The following ESRRG variants were observed in gnomAD, a reference collection of about 807,000 sequenced individuals.
The protein encoded by ESRRG is estrogen-related receptor gamma.
ESRRG carries 13 observed loss-of-function variants against 44.0 expected under a neutral mutation model. The observed-to-expected ratio is 0.30, with a 90% CI of 0.19 to 0.47. ESRRG has a LOEUF of 0.47. ESRRG is among the 20% of genes least tolerant of loss of function. ESRRG has a pLI of 1.00. For missense variants in ESRRG, 395 were observed against 580.6 expected (o/e 0.68, Z 3.29); for synonymous variants, 215 against 214.6 (o/e 1.00, Z -0.02).
intron 1 of ESRRG, among the ~76,000 whole-genome samples, chr1:217,070,653 A>G (rs1237040551): frequency 6.6e-6 from 1 of 152,226 alleles, no homozygotes; most frequent in African/African-American, 2.4e-5. Context: ...AAGTGCTGGC[A>G]TGACAGGCGT....
chr1:216,843,068 C>A (rs1393491465), intron 2 of ESRRG, among the ~76,000 whole-genome samples: 1 of 151,984 alleles, frequency 6.6e-6, no homozygotes, highest in Non-Finnish European at 1.5e-5. Context: ...TCATGATGAT[C>A]AGGGAATTGG....
At chr1:216,677,801 C>T (rs111545240) in intron 1 of ESRRG, among the ~76,000 whole-genome samples, 1 of 152,118 alleles carries the variant, frequency 6.6e-6, no homozygotes, top group Non-Finnish European at 1.5e-5. Context: ...CTAAAGAGTC[C>T]GATTGCTTTT....
chr1:216,553,551 T>C (rs1051652874), intron 5 of ESRRG, among the ~76,000 whole-genome samples: 1 of 152,144 alleles, frequency 6.6e-6, no homozygotes, highest in Non-Finnish European at 1.5e-5. Flanking sequence ...AATTTCCTCA[T>C]TGGAAGCAAA....
At chr1:216,677,962 C>T (rs1413961862) in intron 1 of ESRRG, among the ~76,000 whole-genome samples, 1 of 152,180 alleles carries the variant, frequency 6.6e-6, no homozygotes, top group Non-Finnish European at 1.5e-5. Context: ...CATTCTGATG[C>T]TGCAATCATT....
intron 2 of ESRRG, among the ~76,000 whole-genome samples, chr1:216,880,304 C>CAAAAAAAAAAAAAAAAAAAAAAAA (rs11301281): frequency 1.0e-4 from 3 of 29,032 alleles, no homozygotes; most frequent in Non-Finnish European, 1.7e-4. Context: ...GCCTCCCTCT[C>CAAAAAAAAAAAAAAAAAAAAAAAA]AAAAAAAAAA....
chr1:216,536,242 A>G (rs2149199494), intron 5 of ESRRG, among the ~76,000 whole-genome samples: 1 of 152,150 alleles, frequency 6.6e-6, no homozygotes, highest in Non-Finnish European at 1.5e-5. Context: ...CTTCTCCCCA[A>G]AGAGCAAGCC....
chr1:216,843,335 C>G (rs1343974593), intron 2 of ESRRG, among the ~76,000 whole-genome samples: 1 of 151,812 alleles, frequency 6.6e-6, no homozygotes, highest in Non-Finnish European at 1.5e-5. Context: ...TTCCACAGGG[C>G]TCTACAAAAT....
intron 1 of ESRRG, among the ~76,000 whole-genome samples, chr1:217,060,526 G>T (rs936528904): frequency 1.3e-5 from 2 of 152,076 alleles, no homozygotes; most frequent in Non-Finnish European, 2.9e-5. Flanking sequence ...GAAATATGAT[G>T]CAAAATAAAC....
intron 1 of ESRRG, among the ~76,000 whole-genome samples, chr1:216,689,001 A>G (rs558248347): frequency 1.1e-4 from 16 of 152,298 alleles, no homozygotes; most frequent in African/African-American, 3.6e-4. Flanking sequence ...ACTTCCCTCA[A>G]TCTAAGATTC....
At position 216,506,308 on chromosome 1, in the gene ESRRG, T is replaced by G; in HGVS notation, c.*631A>C. 3 of 234,856 alleles carry G rather than the reference T, an allele frequency of 1.3e-5. No individual in the cohort carries two copies. Among genetic ancestry groups the G allele is most frequent in the Non-Finnish European group, 2.6e-5 (3 of 117,344 alleles). 14.5% of individuals were successfully genotyped at this position (234,856 alleles called of 1,614,324 possible). Reference sequence around the variant, plus strand: ...TCCTTAGTCATTGGGGACAGTATGGTTCACAATAAGTTCACTGGCATCCAT... The same window carrying G: ...TCCTTAGTCATTGGGGACAGTATGGGTCACAATAAGTTCACTGGCATCCAT... On this transcript the variant is annotated 3_prime_UTR_variant, in exon 7 of 7. Coordinates refer to ENST00000408911, the MANE Select transcript of ESRRG (RefSeq NM_001438.4).
At chr1:216,543,619 T>G (rs1036779985) in intron 5 of ESRRG, among the ~76,000 whole-genome samples, 2 of 152,050 alleles carry the variant, frequency 1.3e-5, no homozygotes, top group Non-Finnish European at 2.9e-5. Context: ...ATCACATTTT[T>G]TAATGTGTTT....
intron 2 of ESRRG, among the ~76,000 whole-genome samples, chr1:216,658,896 A>AAGAGAAGAGAAGAGG (rs1559070163): frequency 5.1e-4 from 77 of 150,248 alleles, no homozygotes; most frequent in African/African-American, 1.3e-3. Context: ...AAGAGAAGAG[A>AAGAGAAGAGAAGAGG]AGAGAAGAGA....
intron 1 of ESRRG, among the ~76,000 whole-genome samples, chr1:216,995,829 G>A (rs916053092): frequency 6.6e-6 from 1 of 152,006 alleles, no homozygotes; most frequent in African/African-American, 2.4e-5. Context: ...ACTACATTTT[G>A]TCCTATTCTT....
At chr1:216,586,377 T>C (rs1199501924) in intron 3 of ESRRG, among the ~76,000 whole-genome samples, 2 of 152,172 alleles carry the variant, frequency 1.3e-5, no homozygotes, top group African/African-American at 2.4e-5. Flanking sequence ...GTAAAAATAA[T>C]AGTTAATGTT....
intron 1 of ESRRG, among the ~76,000 whole-genome samples, chr1:217,126,709 C>A (rs1277948184): frequency 2.6e-5 from 4 of 152,068 alleles, no homozygotes; most frequent in Admixed American, 2.0e-4. Flanking sequence ...AATCGAGTAT[C>A]CTCATCAATA....
chr1:216,949,662 T>C (rs1410199563), intron 1 of ESRRG, among the ~76,000 whole-genome samples: 2 of 152,204 alleles, frequency 1.3e-5, no homozygotes, highest in South Asian at 2.1e-4. Flanking sequence ...GGAAAGTACA[T>C]GAATATCTTG....
intron 2 of ESRRG, among the ~76,000 whole-genome samples, chr1:216,911,072 AGGCCTTTTAATTGTTATTTAACAGTTGC>A (rs2149580594): frequency 6.6e-6 from 1 of 152,312 alleles, no homozygotes; most frequent in African/African-American, 2.4e-5. Flanking sequence ...CTTATCTTGT[AGGCCTTTTAATTGTTATTTAACAGTTGC>A]AAAGAAAAGG....
At chr1:216,779,528 AAATATT>A (rs1352296774) in intron 2 of ESRRG, among the ~76,000 whole-genome samples, 2 of 97,312 alleles carry the variant, frequency 2.1e-5, no homozygotes, top group Non-Finnish European at 3.8e-5. Context: ...ATATAAATAT[AAATATT>A]TATATTTATA....
chr1:216,780,117 C>T (rs1041402848), intron 2 of ESRRG, among the ~76,000 whole-genome samples: 1 of 151,534 alleles, frequency 6.6e-6, no homozygotes, highest in African/African-American at 2.4e-5. Context: ...AGGGCTCATG[C>T]AAAGAAATTG....
Sources: gnomAD v4.1 joint callset for allele counts (sites outside exome capture counted in the v4.1 genomes callset) on GRCh38, gnomAD v4.1.1 for gene constraint, MANE v1.5 for transcripts, NCBI Gene and HGNC (gene_info 2026-07-23, HGNC 2026-07-21) for gene names.